KLHL29: variants seen among roughly 807,000 people sequenced by gnomAD.
KLHL29 encodes kelch like family member 29.
In KLHL29, 21 loss-of-function variants were observed where a neutral mutation model predicts 80.4. That is an observed-to-expected ratio of 0.26 (90% CI 0.19 to 0.38). KLHL29 has a LOEUF of 0.38. Ranked by LOEUF, KLHL29 falls within the 10% of genes least tolerant of loss-of-function variation. The pLI, the probability that KLHL29 is intolerant of heterozygous loss-of-function variation, is 1.00. For synonymous variants in KLHL29, 511 were observed against 526.8 expected (o/e 0.97, Z 0.41); for missense variants, 867 against 1,223.9 (o/e 0.71, Z 4.35).
chr2:23,405,438 C>A (rs1489123186), intron 1 of KLHL29, among the ~76,000 whole-genome samples: 1 of 152,020 alleles, frequency 6.6e-6, no homozygotes, highest in African/African-American at 2.4e-5. Context: ...AGATGTAATC[C>A]CTGAATAGAG....
intron 2 of KLHL29, among the ~76,000 whole-genome samples, chr2:23,498,630 C>T (rs1017045928): frequency 2.6e-5 from 4 of 152,220 alleles, no homozygotes; most frequent in Admixed American, 2.0e-4. Flanking sequence ...TTAGGAAGGT[C>T]GGGGCTTCCT....
At chr2:23,643,241 G>C (rs950284867) in intron 5 of KLHL29, 2 of 388,502 alleles carry the variant, frequency 5.1e-6, no homozygotes, top group Admixed American at 7.3e-5. Context: ...CCCTTTGGGG[G>C]CCTTCTCCAC....
intron 1 of KLHL29, among the ~76,000 whole-genome samples, chr2:23,415,020 T>A (rs113141347): frequency 8.3e-4 from 127 of 152,336 alleles, no homozygotes; most frequent in African/African-American, 2.7e-3. Flanking sequence ...ACAACAGTCA[T>A]ACCCAGATCA....
chr2:23,487,087 T>C (rs544807697), intron 2 of KLHL29, among the ~76,000 whole-genome samples: 2 of 152,280 alleles, frequency 1.3e-5, no homozygotes, highest in Non-Finnish European at 1.5e-5. Context: ...CACATCTGTA[T>C]GATGTGAGAG....
rs1672862277 is a variant in KLHL29, at chr2:23,708,560, CT to C, written c.*1897del. ...TGGTATTGTACATAGTATATGTTTA[CT>C]GTTAAGTTCTTGTTATATTATAATA... On this transcript the variant is annotated 3_prime_UTR_variant, in exon 14 of 14. Coordinates refer to ENST00000486442, the MANE Select transcript of KLHL29 (RefSeq NM_052920.2). The C allele has an allele frequency of 6.6e-6, 1 of 152,110 alleles. No homozygotes were observed. Among genetic ancestry groups the C allele is most frequent in the African/African-American group, 2.4e-5 (1 of 41,414 alleles). 9.4% of individuals were successfully genotyped at this position (152,110 alleles called of 1,614,324 possible). A position where few individuals can be genotyped will look rare whatever the true frequency, so the allele number is the denominator to read the frequency against.
intron 2 of KLHL29, among the ~76,000 whole-genome samples, chr2:23,501,856 A>G (rs1369587074): frequency 6.6e-6 from 1 of 152,204 alleles, no homozygotes; most frequent in East Asian, 1.9e-4. Flanking sequence ...GAGCATTCCC[A>G]TCAGCCCAGA....
intron 3 of KLHL29, among the ~76,000 whole-genome samples, chr2:23,600,915 C>T (rs1359533259): frequency 1.3e-5 from 2 of 152,168 alleles, no homozygotes; most frequent in Non-Finnish European, 2.9e-5. Context: ...AGAATGATAA[C>T]CATCACTTGC....
In KLHL29 at chr2:23,615,571, C is replaced by T. The variant is rs186087980; in HGVS notation, c.286-23568C>T. ...CGCACTGCCTCTCACGGTGGACCTG[C>T]GAGCCGGGCCGGAGCACCTGCACTG... On this transcript the variant is annotated intron_variant, in intron 3 of 13. Coordinates refer to ENST00000486442, the MANE Select transcript of KLHL29 (RefSeq NM_052920.2). Among the ~76,000 whole-genome samples the T allele has an allele frequency of 5.9e-4, 90 of 152,210 alleles. 1 individual carries two copies. Among genetic ancestry groups the T allele is most frequent in the Admixed American group, 3.4e-3 (52 of 15,292 alleles).
intron 13 of KLHL29, among the ~76,000 whole-genome samples, chr2:23,704,365 G>C (rs1447221330): frequency 2.6e-5 from 4 of 152,218 alleles, no homozygotes; most frequent in Non-Finnish European, 5.9e-5. Context: ...GAAGGTAGAG[G>C]GCTGAGTGTG....
At chr2:23,410,348 G>A (rs1572489925) in intron 1 of KLHL29, among the ~76,000 whole-genome samples, 1 of 151,986 alleles carries the variant, frequency 6.6e-6, no homozygotes, top group Admixed American at 6.6e-5. Context: ...GGGTTCGAGG[G>A]TGGGAAGTAA....
intron 1 of KLHL29, among the ~76,000 whole-genome samples, chr2:23,404,708 T>C (rs1432075176): frequency 6.6e-6 from 1 of 152,250 alleles, no homozygotes; most frequent in Non-Finnish European, 1.5e-5. Flanking sequence ...TTCCACTTAA[T>C]ACGTCCTGCC....
chr2:23,652,445 C>G (rs1189771282), intron 5 of KLHL29, among the ~76,000 whole-genome samples: 1 of 152,224 alleles, frequency 6.6e-6, no homozygotes, highest in African/African-American at 2.4e-5. Flanking sequence ...AAGCTGGTCC[C>G]TGTTCTACAT....
At chr2:23,542,359 G>T (rs772330865) in intron 2 of KLHL29, among the ~76,000 whole-genome samples, 3 of 152,148 alleles carry the variant, frequency 2.0e-5, no homozygotes, top group Admixed American at 2.0e-4. Flanking sequence ...AGATGAGAGG[G>T]CTCCATCTGC....
rs1394238292 is a variant in KLHL29, at chr2:23,681,105, C to T, written c.941-3294C>T. Among the ~76,000 whole-genome samples the T allele has an allele frequency of 2.6e-5, 4 of 152,230 alleles. No homozygotes were observed. Among genetic ancestry groups the T allele is most frequent in the Admixed American group, 1.3e-4 (2 of 15,290 alleles). On this transcript the variant is annotated intron_variant, in intron 5 of 13. Transcript: ENST00000486442. This position sits in a 1 kb window ranked among gnomAD's most constrained non-coding sequence, Gnocchi z 4.2. ...TCCCCTTGTGGATTCTGGGTCTCCC[C>T]ACCGACAGGCACAGCCTGAGAGCCT...
At chr2:23,399,358 A>G (rs1274143855) in intron 1 of KLHL29, among the ~76,000 whole-genome samples, 1 of 152,248 alleles carries the variant, frequency 6.6e-6, no homozygotes, top group Admixed American at 6.5e-5. Context: ...ACTGAACTGT[A>G]CATTTAAAAA....
At position 23,680,342 on chromosome 2, in the gene KLHL29, G is replaced by A. The variant is rs954812517; in HGVS notation, c.941-4057G>A. 7.2e-5 allele frequency among the ~76,000 whole-genome samples: 11 copies of A among 152,082 alleles called. No homozygotes were observed. Among genetic ancestry groups the A allele is most frequent in the Non-Finnish European group, 1.3e-4 (9 of 68,016 alleles). On this transcript the variant is annotated intron_variant, in intron 5 of 13. Coordinates refer to ENST00000486442, the MANE Select transcript of KLHL29 (RefSeq NM_052920.2). The surrounding 1 kb of genome is among the most constrained non-coding windows in gnomAD (Gnocchi z 4.1). The stretch of plus-strand genomic sequence containing the variant: ...GGAGCTCCATGCTGGGCGCTGAGTC[G>A]AGCATCCTGGGCATGCAGGAGGAAG...
At chr2:23,406,372 A>G (rs1666733601) in intron 1 of KLHL29, among the ~76,000 whole-genome samples, 1 of 151,326 alleles carries the variant, frequency 6.6e-6, no homozygotes, top group Admixed American at 6.6e-5. Context: ...TTATCTAGAG[A>G]TGATTGTTAA....
intron 5 of KLHL29, chr2:23,643,315 G>A (rs1468325808): frequency 3.3e-5 from 10 of 306,848 alleles, no homozygotes; most frequent in East Asian, 7.8e-5. Flanking sequence ...ACTCTCTGTC[G>A]TGCCATCGGA....
At chr2:23,633,697 T>TA (rs1196771079) in intron 3 of KLHL29, among the ~76,000 whole-genome samples, 1 of 151,570 alleles carries the variant, frequency 6.6e-6, no homozygotes, top group Admixed American at 6.6e-5. Flanking sequence ...CTTAAAAAGA[T>TA]AGGCCCAGGA....
Sources: gnomAD v4.1 joint callset for allele counts (sites outside exome capture counted in the v4.1 genomes callset) on GRCh38, gnomAD v4.1.1 for gene constraint, Gnocchi (gnomAD v3.1) non-coding constraint, MANE v1.5 for transcripts, NCBI Gene and HGNC (gene_info 2026-07-23, HGNC 2026-07-21) for gene names.